Variants in DSG3 observed in about 807,000 individuals in gnomAD.
The protein encoded by DSG3 is desmoglein-3.
In DSG3, 63 loss-of-function variants were observed where a neutral mutation model predicts 85.9. That is an observed-to-expected ratio of 0.73 (90% CI 0.60 to 0.90). The LOEUF (loss-of-function observed/expected upper bound fraction) is 0.90, where lower values mean the gene tolerates loss of function less well. Ranked by LOEUF, DSG3 falls within the 40% of genes least tolerant of loss-of-function variation. The pLI, the probability that DSG3 is intolerant of heterozygous loss-of-function variation, is 0.00. For synonymous variants in DSG3, 447 were observed against 441.9 expected, an observed-to-expected ratio of 1.01 and a Z score of -0.14; for missense variants, 1,220 against 1,219.9, an observed-to-expected ratio of 1.00 and a Z score of 0.00.
chr18:31,465,951 A>C (rs190477248), intron 10 of DSG3, among the ~76,000 whole-genome samples: 2 of 152,164 alleles, frequency 1.3e-5, no homozygotes, highest in Admixed American at 1.3e-4. Flanking sequence ...AAAAGATAAC[A>C]CCCCCCAAAA....
intron 2 of DSG3, 41 bp from the exon 3 acceptor site, chr18:31,456,952 C>G (rs373051815): frequency 3.2e-6 from 5 of 1,574,156 alleles, no homozygotes; most frequent in Non-Finnish European, 4.3e-6. Context: ...GCAAAAATTG[C>G]CATTAATTTC....
intron 8 of DSG3, among the ~76,000 whole-genome samples, chr18:31,463,788 A>G (rs968777155): frequency 4.6e-5 from 7 of 152,292 alleles, no homozygotes; most frequent in Middle Eastern, 6.8e-3. Context: ...TCACACAGCT[A>G]TTAAGCAGCA....
rs1256008436 is a variant in DSG3, at chr18:31,472,319, GC to G, written c.1934del (p.Ala645GlufsTer7). ...TCTGCTGTTGACCTGTGACTGTGGG[GC>G]AGGTTCTACTGGGGGAGTGACAGGT... Reference protein sequence around the residue: ...PLLLLTCDCGAGSTGGVTGGF... With the variant: ...PLLLLTCDCGXGSTGGVTGGF... On this transcript the variant is annotated frameshift_variant, in exon 13 of 16. Transcript: ENST00000257189. LOFTEE classifies it high-confidence loss of function. 26 of 1,613,964 alleles carry G rather than the reference GC, an allele frequency of 1.6e-5. No homozygotes were observed. Among genetic ancestry groups the G allele is most frequent in the Non-Finnish European group, 2.2e-5 (26 of 1,179,978 alleles).
At position 31,476,317 on chromosome 18, in the gene DSG3, C is replaced by T; in HGVS notation, c.*57C>T. On this transcript the variant is annotated 3_prime_UTR_variant, in exon 16 of 16. Transcript: ENST00000257189. ...ATCTGGATCTTTGGACTAAAGTATT[C>T]AAAATAGCATAGCAAAGCTCACTGT... is the stretch of plus-strand genomic sequence containing the variant. 6.5e-7 allele frequency: 1 copy of T among 1,539,228 alleles called. No individual in the cohort carries two copies. The highest frequency in any genetic ancestry group is 8.7e-7 in the Non-Finnish European group (1 of 1,143,436).
At chr18:31,464,526 C>T (rs1170571363) in intron 9 of DSG3, 144 bp downstream of exon 9, 1 of 858,188 alleles carries the variant, frequency 1.2e-6, no homozygotes, top group Non-Finnish European at 1.7e-6. Flanking sequence ...CAAAAAGTAA[C>T]ATTTAGCTAA....
chr18:31,468,442 A>G (rs1183312082), intron 11 of DSG3, among the ~76,000 whole-genome samples: 1 of 152,216 alleles, frequency 6.6e-6, no homozygotes, highest in Non-Finnish European at 1.5e-5. Flanking sequence ...GATGTCGCCC[A>G]TCTTCTTTAG....
At position 31,458,559 on chromosome 18, in the gene DSG3, A is replaced by C. The variant is rs1474837365; in HGVS notation, c.331A>C (p.Ile111Leu). Reference protein sequence around the residue: ...VVDKNTGDINITAIVDREETP... With the variant: ...VVDKNTGDINLTAIVDREETP... ...TGACAAAAACACTGGAGATATTAAC[A>C]TAACAGCTATAGTCGACCGGGAGGA... The change falls in exon 4 of 16, where the codon ATA becomes CTA. Residue 111 changes from isoleucine to leucine, a missense_variant. Physicochemically the swap from Ile to Leu is conservative, Grantham distance 5. Coordinates refer to ENST00000257189, the MANE Select transcript of DSG3 (RefSeq NM_001944.3). 4 of 1,613,960 alleles carry C rather than the reference A, an allele frequency of 2.5e-6. No homozygotes were observed. In the African/African-American group the frequency reaches 5.3e-5, roughly 22 times the overall value.
At chr18:31,448,509 T>C (rs2072692195) in intron 1 of DSG3, among the ~76,000 whole-genome samples, 1 of 152,116 alleles carries the variant, frequency 6.6e-6, no homozygotes, top group Non-Finnish European at 1.5e-5. Flanking sequence ...CATACAACAT[T>C]TTAAAGCCAT....
intron 3 of DSG3, among the ~76,000 whole-genome samples, chr18:31,458,226 T>C (rs972028920): frequency 2.0e-5 from 3 of 152,166 alleles, no homozygotes; most frequent in African/African-American, 7.2e-5. Flanking sequence ...ATTCTAACAC[T>C]AAAATGATTA....
intron 8 of DSG3, 114 bp from the exon 9 acceptor site, chr18:31,463,997 T>C: frequency 9.7e-7 from 1 of 1,029,974 alleles, no homozygotes; most frequent in Non-Finnish European, 1.4e-6. Context: ...TGTTTTGCTA[T>C]TTAAAAACAA....
chr18:31,456,407 A>G, intron 1 of DSG3, 33 bp from the exon 2 acceptor site: 1 of 1,311,352 alleles, frequency 7.6e-7, no homozygotes, highest in Non-Finnish European at 9.9e-7. Flanking sequence ...TGAAGAATTC[A>G]CATTTAATTC....
intron 15 of DSG3, among the ~76,000 whole-genome samples, chr18:31,475,126 A>G (rs369977385): frequency 1.1e-4 from 16 of 152,320 alleles, no homozygotes; most frequent in South Asian, 6.2e-4. Flanking sequence ...AAAGGAACAT[A>G]GTTATGAAAA....
At position 31,447,898 on chromosome 18, in the gene DSG3, A is replaced by G; in HGVS notation, c.21A>G (p.Arg7=). MMGLFP[R]TTGALAIFVV... is the part of the protein sequence containing the mutation. ...AGACAATGATGGGGCTCTTCCCCAG[A>G]ACTACAGGGGCTCTGGCCATCTTCG... Residue 7 remains arginine (R), a synonymous_variant, in exon 1 of 16, where the codon AGA becomes AGG. Transcript: ENST00000257189. 7 of 1,591,386 alleles carry G rather than the reference A, an allele frequency of 4.4e-6. No individual in the cohort carries two copies. Among genetic ancestry groups the G allele is most frequent in the African/African-American group, 1.4e-5 (1 of 73,168 alleles).
intron 10 of DSG3, among the ~76,000 whole-genome samples, chr18:31,466,083 G>A (rs182253156): frequency 3.9e-5 from 6 of 151,934 alleles, no homozygotes; most frequent in African/African-American, 1.4e-4. Flanking sequence ...TTTATTTTCA[G>A]CATTTAAAAT....
intron 1 of DSG3, among the ~76,000 whole-genome samples, chr18:31,455,432 G>A (rs550730715): frequency 1.3e-5 from 2 of 152,092 alleles, no homozygotes; most frequent in African/African-American, 4.8e-5. Flanking sequence ...CACTGAACTG[G>A]AAAGTTTACA....
Position 31,459,112 on chromosome 18 carries a change from A to G in DSG3, c.452A>G (p.Asn151Ser). The G allele has an allele frequency of 6.2e-7, 1 of 1,613,500 alleles. No homozygotes were observed. The highest frequency in any genetic ancestry group is 1.1e-5 in the South Asian group (1 of 90,906). ...CTAACGGTTAAAATTTTGGATATTA[A>G]TGATAATCCTCCAGTATTTTCACAA... ...LILTVKILDI[N>S]DNPPVFSQQI... is the part of the protein sequence containing the mutation. Residue 151 changes from asparagine to serine, a missense_variant, in exon 5 of 16, where the codon AAT (asparagine) becomes AGT (serine). By Grantham distance (46) the Asn-to-Ser change is conservative. Transcript: ENST00000257189.
At chr18:31,472,570 T>C in intron 13 of DSG3, 147 bp downstream of exon 13, 2 of 1,220,446 alleles carry the variant, frequency 1.6e-6, no homozygotes, top group Non-Finnish European at 2.3e-6. Context: ...GGATTTTAGC[T>C]CTTCAGATGT....
intron 1 of DSG3, among the ~76,000 whole-genome samples, chr18:31,448,766 G>C (rs1331347647): frequency 1.7e-4 from 26 of 151,938 alleles, no homozygotes; most frequent in Admixed American, 1.6e-3. Flanking sequence ...AATTTGTATG[G>C]TTTCCATGAT....
chr18:31,475,394 A>T (rs1598788869), intron 15 of DSG3, among the ~76,000 whole-genome samples: 1 of 152,308 alleles, frequency 6.6e-6, no homozygotes, highest in Middle Eastern at 3.4e-3. Context: ...TGTTACAGTC[A>T]CATGTCAGGC....
Sources: allele counts gnomAD v4.1 joint callset (sites outside exome capture counted in the v4.1 genomes callset), GRCh38; gene constraint gnomAD v4.1.1; transcripts MANE v1.5; gene names NCBI Gene and HGNC (gene_info 2026-07-23, HGNC 2026-07-21).